Variants in NOL4 observed in about 807,000 individuals in gnomAD.
NOL4 encodes the protein cancer/testis antigen 125.
A neutral mutation model predicts 75.9 loss-of-function variants in NOL4; 17 were observed. That is an observed-to-expected ratio of 0.22 (90% CI 0.15 to 0.34). NOL4 has a LOEUF of 0.34. Ranked by LOEUF, NOL4 falls within the 10% of genes least tolerant of loss-of-function variation. NOL4 has a pLI of 1.00. For missense variants in NOL4, 614 were observed against 793.5 expected, an observed-to-expected ratio of 0.77 and a Z score of 2.72; for synonymous variants, 292 against 289.9, an observed-to-expected ratio of 1.01 and a Z score of -0.07.
At chr18:33,927,214 G>A (rs1325292784) in intron 9 of NOL4, among the ~76,000 whole-genome samples, 1 of 152,124 alleles carries the variant, frequency 6.6e-6, no homozygotes, top group Non-Finnish European at 1.5e-5. Flanking sequence ...GAATGTAACT[G>A]GAGAAGTGGT....
intron 5 of NOL4, among the ~76,000 whole-genome samples, chr18:34,076,312 A>T (rs546329284): frequency 6.6e-6 from 1 of 152,066 alleles, no homozygotes; most frequent in African/African-American, 2.4e-5. Flanking sequence ...AAACTTTTTC[A>T]CTTTATTATA....
intron 1 of NOL4, among the ~76,000 whole-genome samples, chr18:34,159,524 G>C (rs768824512): frequency 1.3e-5 from 2 of 152,118 alleles, no homozygotes; most frequent in Admixed American, 6.5e-5. Context: ...GGGGGACAGG[G>C]CCTGGGAGGC....
intron 6 of NOL4, among the ~76,000 whole-genome samples, chr18:33,968,289 C>T (rs1330594526): frequency 1.3e-5 from 2 of 151,874 alleles, no homozygotes; most frequent in Non-Finnish European, 2.9e-5. Flanking sequence ...GCATACAAGC[C>T]CAAGGGAAAT....
intron 1 of NOL4, among the ~76,000 whole-genome samples, chr18:34,207,606 G>A (rs2036211615): frequency 6.6e-6 from 1 of 152,122 alleles, no homozygotes; most frequent in Admixed American, 6.5e-5. Flanking sequence ...ACAAGATTTA[G>A]GGGATCTTCT....
chr18:34,062,414 T>C (rs1286714885), intron 5 of NOL4, among the ~76,000 whole-genome samples: 1 of 151,936 alleles, frequency 6.6e-6, no homozygotes, highest in Non-Finnish European at 1.5e-5. Flanking sequence ...AATAATTAGA[T>C]CTCAAATATC....
At chr18:33,978,795 AATT>A (rs1369759316) in intron 6 of NOL4, among the ~76,000 whole-genome samples, 3 of 151,734 alleles carry the variant, frequency 2.0e-5, no homozygotes, top group South Asian at 2.1e-4. Context: ...CTATTTAAAT[AATT>A]ATTATATTTT....
intron 8 of NOL4, among the ~76,000 whole-genome samples, chr18:33,945,886 T>G (rs2068801272): frequency 6.6e-6 from 1 of 151,734 alleles, no homozygotes; most frequent in African/African-American, 2.4e-5. Flanking sequence ...AACTGAAACC[T>G]AGGTAGATTA....
intron 9 of NOL4, among the ~76,000 whole-genome samples, chr18:33,903,582 G>A (rs2065865250): frequency 6.6e-6 from 1 of 152,060 alleles, no homozygotes; most frequent in Admixed American, 6.6e-5. Context: ...GGGAAAAGAT[G>A]ACAATCAAAG....
At chr18:34,034,647 G>A (rs914420839) in intron 5 of NOL4, among the ~76,000 whole-genome samples, 1 of 152,094 alleles carries the variant, frequency 6.6e-6, no homozygotes, top group African/African-American at 2.4e-5. Flanking sequence ...GCTGGGGCAT[G>A]AGAATCACTT....
intron 5 of NOL4, among the ~76,000 whole-genome samples, chr18:34,022,969 T>C (rs546236065): frequency 6.6e-6 from 1 of 152,216 alleles, no homozygotes; most frequent in Non-Finnish European, 1.5e-5. Flanking sequence ...ATAAAAAGTA[T>C]AAACAATAAG....
Position 33,925,150 on chromosome 18 carries a change from A to T in NOL4, c.1542+17915T>A, listed in dbSNP as rs569911304. 4.7e-4 allele frequency among the ~76,000 whole-genome samples: 71 copies of T among 152,320 alleles called. 1 individual carries two copies. Among genetic ancestry groups the T allele is most frequent in the Admixed American group, 2.2e-3 (34 of 15,296 alleles). ...ATTTAAAATATACAATAACACAAAT[A>T]TTAGTACGATTATGTATGATGTGCT... is the stretch of plus-strand genomic sequence containing the variant. On this transcript the variant is annotated intron_variant, in intron 9 of 10. Coordinates refer to ENST00000261592, the MANE Select transcript of NOL4 (RefSeq NM_003787.5).
chr18:33,957,693 T>G (rs1393337666), intron 7 of NOL4, among the ~76,000 whole-genome samples, 176 bp from the exon 8 acceptor site: 2 of 151,940 alleles, frequency 1.3e-5, no homozygotes, highest in Non-Finnish European at 2.9e-5. Context: ...TTCTAAATGG[T>G]TGGATTAAAA....
intron 9 of NOL4, among the ~76,000 whole-genome samples, chr18:33,934,474 T>C (rs1378409315): frequency 6.6e-6 from 1 of 152,204 alleles, no homozygotes; most frequent in Non-Finnish European, 1.5e-5. Context: ...TACGATGATG[T>C]AGTGATTTCA....
chr18:34,112,889 G>A (rs1008551383), intron 2 of NOL4, among the ~76,000 whole-genome samples: 3 of 152,180 alleles, frequency 2.0e-5, no homozygotes, highest in Non-Finnish European at 2.9e-5. Context: ...ACTATATGAG[G>A]TGATGGACAT....
chr18:34,066,706 A>G (rs2077291300), intron 5 of NOL4, among the ~76,000 whole-genome samples: 1 of 151,276 alleles, frequency 6.6e-6, no homozygotes, highest in Admixed American at 6.6e-5. Flanking sequence ...AAAAAACAAC[A>G]CTGAAGTATA....
chr18:34,137,127 C>T (rs756080627), intron 1 of NOL4, among the ~76,000 whole-genome samples: 31 of 152,088 alleles, frequency 2.0e-4, no homozygotes, highest in Middle Eastern at 6.3e-3. Flanking sequence ...GTCCCTACCT[C>T]AACCCATACA....
At position 34,223,267 on chromosome 18, in the gene NOL4, G is replaced by T. The variant is rs762743889; in HGVS notation, c.-14C>A. The T allele has an allele frequency of 7.1e-5, 114 of 1,611,284 alleles. No homozygotes were observed. Among genetic ancestry groups the T allele is most frequent in the Non-Finnish European group, 9.2e-5 (109 of 1,179,302 alleles). ...CTCGCTCTCCATGTTCCCCGCGCTC[G>T]GCCGCTGGCCGGATGCTCCCAGCGC... On this transcript the variant is annotated 5_prime_UTR_variant, in exon 1 of 11. Transcript: ENST00000261592.
chr18:33,865,368 G>A (rs2063381392), intron 10 of NOL4, among the ~76,000 whole-genome samples: 2 of 151,922 alleles, frequency 1.3e-5, no homozygotes, highest in East Asian at 3.9e-4. Context: ...TTGTTATACT[G>A]TATGTTTTCA....
At chr18:33,909,590 G>A (rs2066271286) in intron 9 of NOL4, among the ~76,000 whole-genome samples, 1 of 152,050 alleles carries the variant, frequency 6.6e-6, no homozygotes, top group Non-Finnish European at 1.5e-5. Context: ...AGAGACTCAG[G>A]AGAATCATAA....
Sources: allele counts gnomAD v4.1 joint callset (sites outside exome capture counted in the v4.1 genomes callset), GRCh38; gene constraint gnomAD v4.1.1; transcripts MANE v1.5; gene names NCBI Gene and HGNC (gene_info 2026-07-23, HGNC 2026-07-21).